Variants in DIPK2A observed in about 807,000 individuals in gnomAD.
DIPK2A encodes the protein Golgi Protein of 49 kDa.
A neutral mutation model predicts 39.0 loss-of-function variants in DIPK2A; 27 were observed. The observed-to-expected ratio is 0.69, with a 90% CI of 0.51 to 0.96. The LOEUF (loss-of-function observed/expected upper bound fraction) is 0.96. DIPK2A is among the 40% of genes least tolerant of loss of function. The probability of loss-of-function intolerance (pLI) is 0.00; values close to 1 mark genes in which losing one functional copy is unlikely to be tolerated. For missense variants in DIPK2A, 528 were observed against 571.3 expected (o/e 0.92, Z 0.77); for synonymous variants, 298 against 240.8 (o/e 1.24, Z -2.20).
chr3:143,978,909 A>G (rs902200699), intron 1 of DIPK2A, among the ~76,000 whole-genome samples: 2 of 151,740 alleles, frequency 1.3e-5, no homozygotes, highest in Admixed American at 6.6e-5. Context: ...TTCCGATTCT[A>G]AGTTTTTTTA....
At chr3:143,977,123 G>A (rs1344931659) in intron 1 of DIPK2A, among the ~76,000 whole-genome samples, 1 of 151,926 alleles carries the variant, frequency 6.6e-6, no homozygotes, top group Non-Finnish European at 1.5e-5. Flanking sequence ...TTTATATAGG[G>A]AACAACATAT....
rs1261125706 is a variant in DIPK2A, at chr3:143,972,999, G to C, written c.657+10G>C. 6.4e-7 allele frequency: 1 copy of C among 1,572,624 alleles called. No homozygotes were observed. Among genetic ancestry groups the C allele is most frequent in the Non-Finnish European group, 8.6e-7 (1 of 1,162,392 alleles). On this transcript the variant is annotated intron_variant, in intron 1 of 2. Coordinates refer to ENST00000315691, the MANE Select transcript of DIPK2A (RefSeq NM_173552.5). ...GCCGCTGGTGCTACAGGTAGGCGCG[G>C]AGCCAGGGCAGGGGGCGTCCTGGGA...
At chr3:143,978,127 G>T (rs1401151844) in intron 1 of DIPK2A, among the ~76,000 whole-genome samples, 1 of 152,038 alleles carries the variant, frequency 6.6e-6, no homozygotes, top group Non-Finnish European at 1.5e-5. Flanking sequence ...GGGATTGTCA[G>T]ACTGGTTTTT....
intron 1 of DIPK2A, among the ~76,000 whole-genome samples, chr3:143,982,913 A>G (rs35877644): frequency 0.34 from 52,382 of 151,984 alleles, 9,166 homozygotes; most frequent in African/African-American, 0.38. Flanking sequence ...AAAAACACAA[A>G]AAAAACAAAA....
chr3:143,974,580 G>C (rs904061585), intron 1 of DIPK2A, among the ~76,000 whole-genome samples: 4 of 152,198 alleles, frequency 2.6e-5, no homozygotes, highest in African/African-American at 9.6e-5. Flanking sequence ...CTTGGAGATC[G>C]TGTTAGCATT....
In DIPK2A at chr3:143,972,594, G is replaced by C; in HGVS notation, c.262G>C (p.Val88Leu). 3.1e-6 allele frequency: 5 copies of C among 1,612,214 alleles called. No individual in the cohort carries two copies. Among genetic ancestry groups the C allele is most frequent in the Non-Finnish European group, 4.2e-6 (5 of 1,179,730 alleles). ...GRLRLLDFLN[V>L]KNVYFAQYGE... ...CTTGCGCCTGCTGGACTTCCTCAAC[G>C]TGAAGAACGTGTACTTCGCGCAGTA... Residue 88 changes from valine (V) to leucine (L), a missense_variant, in exon 1 of 3, where the codon GTG (valine) becomes CTG (leucine). By Grantham distance (32) the Val-to-Leu change is conservative. Transcript: ENST00000315691.
intron 2 of DIPK2A, among the ~76,000 whole-genome samples, chr3:143,986,670 A>C (rs1256546965): frequency 6.7e-6 from 1 of 149,638 alleles, no homozygotes; most frequent in East Asian, 2.0e-4. Context: ...GCCTGCAGTG[A>C]GCCGAGATTG....
intron 1 of DIPK2A, among the ~76,000 whole-genome samples, chr3:143,977,842 CT>C (rs1388025872): frequency 6.6e-6 from 1 of 151,952 alleles, no homozygotes; most frequent in Non-Finnish European, 1.5e-5. Context: ...GGGGTGGGGA[CT>C]TTTATTTTAG....
At position 143,985,747 on chromosome 3, in the gene DIPK2A, G is replaced by A. The variant is rs1164950404; in HGVS notation, c.862G>A (p.Val288Ile). The change falls in exon 2 of 3, where the codon GTC becomes ATC. Residue 288 changes from valine to isoleucine, a missense_variant. Transcript: ENST00000315691. ...DFEFALYLLD[V>I]SFDNFAVGPR... ...TGAATTTGCACTCTACCTCCTGGAC[G>A]TCAGCTTTGACAATTTTGCAGTTGG... 6.2e-6 allele frequency: 10 copies of A among 1,613,954 alleles called. No individual in the cohort carries two copies. The highest frequency in any genetic ancestry group is 1.3e-5 in the African/African-American group (1 of 74,924).
In DIPK2A at chr3:143,972,511, G is replaced by A; in HGVS notation, c.179G>A (p.Gly60Asp). 1 of 1,611,046 alleles carries A rather than the reference G, an allele frequency of 6.2e-7. No individual in the cohort carries two copies. The highest frequency in any genetic ancestry group is 8.5e-7 in the Non-Finnish European group (1 of 1,178,986). The change falls in exon 1 of 3, where the codon GGC becomes GAC. Residue 60 changes from glycine to aspartate, a missense_variant. Physicochemically the swap from Gly to Asp is moderately conservative, Grantham distance 94. Around this residue, in one of 2 missense-constraint regions of DIPK2A, gnomAD observed 309 missense variants for 289.8 expected, o/e 1.07. Transcript: ENST00000315691. The part of the protein sequence containing the change: ...LQLNKCPACF[G>D]TSWCRRFLNG... ...CTCAATAAGTGCCCGGCGTGCTTCG[G>A]CACGAGCTGGTGCCGCCGCTTCCTC...
chr3:143,973,383 C>T (rs1375249876), intron 1 of DIPK2A: 11 of 1,548,486 alleles, frequency 7.1e-6, no homozygotes, highest in East Asian at 2.4e-5. Flanking sequence ...GCCCTTGGAC[C>T]TTTCCTAGTT....
rs937710754 is a variant in DIPK2A at position 143,979,342 on chromosome 3, CT to C, written c.658-6194del. 1.3e-5 allele frequency among the ~76,000 whole-genome samples: 2 copies of C among 152,030 alleles called. 1 individual carries two copies. Among genetic ancestry groups the C allele is most frequent in the Non-Finnish European group, 2.9e-5 (2 of 67,970 alleles). On this transcript the variant is annotated intron_variant, in intron 1 of 2. Transcript: ENST00000315691. ...TTAAGAAGTAAAAGGCAAATAGTTT[CT>C]TTTTTTCTCTGTAAATCATTATTAT...
chr3:143,982,359 A>T (rs1356569350), intron 1 of DIPK2A, among the ~76,000 whole-genome samples: 2 of 152,106 alleles, frequency 1.3e-5, no homozygotes, highest in African/African-American at 4.8e-5. Context: ...GTTACTTAAA[A>T]TTTTTAAATA....
rs977012547 is a variant in DIPK2A, at chr3:143,981,508, C to T, written c.658-4035C>T. Among the ~76,000 whole-genome samples the T allele has an allele frequency of 9.2e-5, 14 of 152,256 alleles. No individual in the cohort carries two copies. In the East Asian group the frequency reaches 1.5e-3, roughly 17 times the overall value. On this transcript the variant is annotated intron_variant, in intron 1 of 2. Transcript: ENST00000315691. The stretch of plus-strand genomic sequence containing the variant: ...TCTCCAGTCTGCTTAATATTAAACT[C>T]ATCCTTTAGGTCTCAGCCTGGGTGG...
chr3:143,972,055 G>A lies in DIPK2A; in HGVS notation c.-278G>A, dbSNP rs1446633322. On this transcript the variant is annotated 5_prime_UTR_variant, in exon 1 of 3. Coordinates refer to ENST00000315691, the MANE Select transcript of DIPK2A (RefSeq NM_173552.5). ...CTCCCGCTCCTCTATAACTTGGCTGGCGTGGAGGAGGCGCCGCCGGAGTCG... is the reference window on the plus strand; with the variant it reads ...CTCCCGCTCCTCTATAACTTGGCTGACGTGGAGGAGGCGCCGCCGGAGTCG... 1 of 366,536 alleles carries A rather than the reference G, an allele frequency of 2.7e-6. No homozygotes were observed. Among genetic ancestry groups the A allele is most frequent in the Non-Finnish European group, 4.9e-6 (1 of 206,048 alleles). 22.7% of individuals were successfully genotyped at this position (366,536 alleles called of 1,614,324 possible). A position where few individuals can be genotyped will look rare whatever the true frequency, so the allele number is the denominator to read the frequency against.
intron 1 of DIPK2A, among the ~76,000 whole-genome samples, chr3:143,977,505 G>A (rs918448531): frequency 6.6e-6 from 1 of 152,078 alleles, no homozygotes; most frequent in African/African-American, 2.4e-5. Context: ...AATATGTGGA[G>A]TTAAGGGTAG....
At chr3:143,978,450 A>G (rs1370518821) in intron 1 of DIPK2A, 1 of 152,432 alleles carries the variant, frequency 6.6e-6, no homozygotes. Flanking sequence ...TCATTTTACA[A>G]TCTGTTACAA....
chr3:143,972,290 C>G lies in DIPK2A; in HGVS notation c.-43C>G, dbSNP rs1377203171. 6 of 1,345,616 alleles carry G rather than the reference C, an allele frequency of 4.5e-6. No homozygotes were observed. Among genetic ancestry groups the G allele is most frequent in the Admixed American group, 3.8e-5 (1 of 26,290 alleles). The allele number at this position is 1,345,616 out of a possible 1,614,324, so 83.4% of individuals were successfully genotyped here. ...CCGGGTCTTGGCGCGGCGGGGGCGC[C>G]CCGGGGGTGCCCTCGCCCTCCCGTT... On this transcript the variant is annotated 5_prime_UTR_variant, in exon 1 of 3. Transcript: ENST00000315691.
chr3:143,978,640 C>CTATATA (rs35495369), intron 1 of DIPK2A: 4 of 117,042 alleles, frequency 3.4e-5, no homozygotes, highest in African/African-American at 1.3e-4. Flanking sequence ...ATATATATAT[C>CTATATA]TATATATATA....
Sources: allele counts gnomAD v4.1 joint callset (sites outside exome capture counted in the v4.1 genomes callset), GRCh38; gene constraint gnomAD v4.1.1; regional missense constraint gnomAD v4.1.1; transcripts MANE v1.5; gene names NCBI Gene and HGNC (gene_info 2026-07-23, HGNC 2026-07-21).